SYVN1: variants seen among roughly 807,000 people sequenced by gnomAD.
SYVN1 encodes E3 ubiquitin-protein ligase synoviolin.
SYVN1 carries 17 observed loss-of-function variants against 62.6 expected under a neutral mutation model. The observed-to-expected ratio is 0.27, with a 90% CI of 0.19 to 0.41. SYVN1 has a LOEUF of 0.41. Among genes scored for constraint, SYVN1 ranks in the 10% least tolerant of loss-of-function variants. The pLI is 1.00. For missense variants in SYVN1, 634 were observed against 818.0 expected (o/e 0.78, Z 2.74); for synonymous variants, 316 against 304.0 (o/e 1.04, Z -0.41).
intron 14 of SYVN1, chr11:65,129,369 G>A (rs1449645427): frequency 9.4e-6 from 2 of 212,262 alleles, no homozygotes; most frequent in Non-Finnish European, 1.9e-5. Flanking sequence ...CCTATTATTC[G>A]CTCCCTCAGT....
rs772925262 is a variant in SYVN1, at chr11:65,131,363, C to T, written c.669G>A (p.Lys223=). 1 of 1,614,048 alleles carries T rather than the reference C, an allele frequency of 6.2e-7. No homozygotes were observed. Among genetic ancestry groups the T allele is most frequent in the Admixed American group, 1.7e-5 (1 of 60,002 alleles). The change falls in exon 8 of 16, where the codon AAG becomes AAA. Residue 223 remains lysine, a synonymous_variant. Coordinates refer to ENST00000377190, the MANE Select transcript of SYVN1 (RefSeq NM_172230.3). ...TCATGAAGGCCATGTACAGCAGAACCTTGATGAAGCCTGAGGGGAGGGGAT... is the reference window on the plus strand; with the variant it reads ...TCATGAAGGCCATGTACAGCAGAACTTTGATGAAGCCTGAGGGGAGGGGAT... ...LYTELFTGFI[K]VLLYMAFMTI...
intron 14 of SYVN1, chr11:65,128,932 G>A (rs926433413): frequency 1.7e-6 from 1 of 585,346 alleles, no homozygotes; most frequent in African/African-American, 1.9e-5. Flanking sequence ...GGTGCTTGCA[G>A]GCAGGGACTG....
chr11:65,128,631 G>C lies in SYVN1; in HGVS notation c.1679C>G (p.Pro560Arg). The C allele has an allele frequency of 6.2e-7, 1 of 1,614,146 alleles. No homozygotes were observed. The highest frequency in any genetic ancestry group is 1.1e-5 in the South Asian group (1 of 91,084). Reference protein sequence around the residue: ...VVAAASSTSIPSSEATTPTPG... With the variant: ...VVAAASSTSIRSSEATTPTPG... ...GGTTGGGGTCGTGGCCTCTGAGCTA[G>C]GGATGCTGGTGGAGGAGGCAGCAGC... Residue 560 changes from proline (P) to arginine (R), a missense_variant, in exon 15 of 16, where the codon CCT becomes CGT. Transcript: ENST00000377190.
chr11:65,133,371 C>T, intron 2 of SYVN1, 99 bp downstream of exon 2: 1 of 1,577,012 alleles, frequency 6.3e-7, no homozygotes, highest in Non-Finnish European at 8.7e-7. Context: ...CAGCTGGCGG[C>T]TACTTCCCTA....
At chr11:65,131,637 T>A (rs377447615) in intron 6 of SYVN1, 41 bp from the exon 7 acceptor site, 50 of 1,602,262 alleles carry the variant, frequency 3.1e-5, no homozygotes, top group Non-Finnish European at 3.7e-5. Context: ...AACACATAGC[T>A]CCCCCTTGCT....
Position 65,127,400 on chromosome 11 carries a change from G to A in SYVN1, c.*982C>T, listed in dbSNP as rs1948114399. On this transcript the variant is annotated 3_prime_UTR_variant, in exon 16 of 16. Transcript: ENST00000377190. ...AACAACTCTTGTAACACAAAACCAA[G>A]GGGAAAAGACAGGGGCAGGCAGGTC... is the stretch of plus-strand genomic sequence containing the variant. 4.7e-6 allele frequency: 1 copy of A among 215,010 alleles called. No homozygotes were observed. Among genetic ancestry groups the A allele is most frequent in the African/African-American group, 2.3e-5 (1 of 43,570 alleles). The allele number at this position is 215,010 out of a possible 1,614,324, so 13.3% of individuals were successfully genotyped here. A position where few individuals can be genotyped will look rare whatever the true frequency, so the allele number is the denominator to read the frequency against.
chr11:65,128,160 A>G lies in SYVN1; in HGVS notation c.*222T>C. 1 of 594,680 alleles carries G rather than the reference A, an allele frequency of 1.7e-6. No individual in the cohort carries two copies. Among genetic ancestry groups the G allele is most frequent in the Non-Finnish European group, 3.0e-6 (1 of 333,934 alleles). 36.8% of individuals were successfully genotyped at this position (594,680 alleles called of 1,614,324 possible). A position where few individuals can be genotyped will look rare whatever the true frequency, so the allele number is the denominator to read the frequency against. On this transcript the variant is annotated 3_prime_UTR_variant, in exon 16 of 16. Transcript: ENST00000377190. ...AGAACACAGGGCTGAAGAGTTGGAG[A>G]GGAAGGCTGGAACTGACCCGAGATC...
chr11:65,130,882 T>C (rs748415454), intron 10 of SYVN1, 38 bp downstream of exon 10: 5 of 1,612,422 alleles, frequency 3.1e-6, no homozygotes, highest in Non-Finnish European at 4.2e-6. Context: ...TTCTGGGGCC[T>C]GTGCCCTGCT....
intron 5 of SYVN1, 117 bp from the exon 6 acceptor site, chr11:65,132,468 T>TGG (rs1948193783): frequency 2.5e-6 from 2 of 796,378 alleles, no homozygotes; most frequent in Middle Eastern, 3.6e-4. Context: ...TCTAGTCAGG[T>TGG]GGGCACACTC....
chr11:65,131,341 T>C lies in SYVN1; in HGVS notation c.691A>G (p.Met231Val). 6.2e-7 allele frequency: 1 copy of C among 1,613,966 alleles called. No homozygotes were observed. Among genetic ancestry groups the C allele is most frequent in the Non-Finnish European group, 8.5e-7 (1 of 1,179,976 alleles). Residue 231 changes from methionine (M) to valine (V), a missense_variant, in exon 8 of 16, where the codon ATG becomes GTG. This residue lies in a region of SYVN1 where 283 missense variants were observed against 444.7 expected (regional missense o/e 0.64). Coordinates refer to ENST00000377190, the MANE Select transcript of SYVN1 (RefSeq NM_172230.3). ...GTGTGCACCTTGATCATGATGGTCA[T>C]GAAGGCCATGTACAGCAGAACCTTG... Reference protein sequence around the residue: ...FIKVLLYMAFMTIMIKVHTFP... With the variant: ...FIKVLLYMAFVTIMIKVHTFP...
At position 65,128,732 on chromosome 11, in the gene SYVN1, G is replaced by A. The variant is rs1416861806; in HGVS notation, c.1596-18C>T. 8 of 1,585,000 alleles carry A rather than the reference G, an allele frequency of 5.0e-6. No homozygotes were observed. In the East Asian group the frequency reaches 9.2e-5, roughly 18 times the overall value. The stretch of plus-strand genomic sequence containing the variant: ...GGGGGGGCCTGGGAAGAGAAGGGAC[G>A]AGAGGCGGGCCTGGCCTTGGCATCC... On this transcript the variant is annotated intron_variant, in intron 14 of 15. Transcript: ENST00000377190.
chr11:65,129,264 TATGA>T (rs1229735632), intron 14 of SYVN1: 1 of 170,158 alleles, frequency 5.9e-6, no homozygotes, highest in Non-Finnish European at 1.3e-5. Context: ...CACTTATGAA[TATGA>T]ATTAAGACCC....
At chr11:65,133,677 C>A in intron 1 of SYVN1, 59 bp from the exon 2 acceptor site, 6 of 1,353,042 alleles carry the variant, frequency 4.4e-6, no homozygotes, top group Non-Finnish European at 5.1e-6. Flanking sequence ...TAGCCCGGTG[C>A]CTGGCACAGC....
Position 65,131,285 on chromosome 11 carries a change from G to A in SYVN1, c.747C>T (p.Tyr249=). The part of the protein sequence containing the change: ...TFPLFAIRPM[Y]LAMRQFKKAV... ...AGGGCCGGGCTCACCTCATGGCCAG[G>A]TACATGGGCCGGATGGCAAAGAGTG... The change falls in exon 8 of 16, where the codon TAC becomes TAT. Residue 249 remains tyrosine (Y), a synonymous_variant. Coordinates refer to ENST00000377190, the MANE Select transcript of SYVN1 (RefSeq NM_172230.3). The A allele has an allele frequency of 1.2e-6, 2 of 1,614,158 alleles. No homozygotes were observed. Among genetic ancestry groups the A allele is most frequent in the South Asian group, 1.1e-5 (1 of 91,082 alleles).
intron 5 of SYVN1, 146 bp downstream of exon 5, chr11:65,132,586 C>A: frequency 9.5e-7 from 1 of 1,048,338 alleles, no homozygotes; most frequent in Non-Finnish European, 1.5e-6. Flanking sequence ...GTTGAGAAGC[C>A]CTAGAGTGGA....
chr11:65,133,922 A>G (rs899946207), intron 1 of SYVN1, among the ~76,000 whole-genome samples: 1 of 152,138 alleles, frequency 6.6e-6, no homozygotes, highest in Non-Finnish European at 1.5e-5. Flanking sequence ...ATGTTGGAGG[A>G]GGGGGAGCTG....
chr11:65,131,870 G>A (rs530304678), intron 6 of SYVN1, among the ~76,000 whole-genome samples: 1 of 152,140 alleles, frequency 6.6e-6, no homozygotes, highest in African/African-American at 2.4e-5. Flanking sequence ...CTCAGCATAG[G>A]GCCTGGTGTG....
At position 65,130,070 on chromosome 11, in the gene SYVN1, T is replaced by A; in HGVS notation, c.1340A>T (p.Glu447Val). ...ASGPGSGSAP[E>V]AGPAPGFPFP... The stretch of plus-strand genomic sequence containing the variant: ...GGGGAAACCAGGGGCAGGGCCAGCC[T>A]CTGGGGCAGAGCCAGAGCCTGGGCC... The change falls in exon 13 of 16, where the codon GAG becomes GTG. Residue 447 changes from glutamate to valine, a missense_variant. Around this residue, in one of 2 missense-constraint regions of SYVN1, gnomAD observed 351 missense variants for 373.3 expected, o/e 0.94. Transcript: ENST00000377190. The A allele has an allele frequency of 6.2e-7, 1 of 1,608,552 alleles. No individual in the cohort carries two copies. Among genetic ancestry groups the A allele is most frequent in the Non-Finnish European group, 8.5e-7 (1 of 1,177,126 alleles).
chr11:65,128,063 C>T lies in SYVN1; in HGVS notation c.*319G>A. On this transcript the variant is annotated 3_prime_UTR_variant, in exon 16 of 16. Transcript: ENST00000377190. ...CAAGTAGGGCTTGGAGGGGCAGCCC[C>T]TTCTCCTGGAAAGGGGTGGGGGAAG... is the stretch of plus-strand genomic sequence containing the variant. 2.0e-6 allele frequency: 1 copy of T among 489,076 alleles called. No individual in the cohort carries two copies. The highest frequency in any genetic ancestry group is 3.7e-6 in the Non-Finnish European group (1 of 271,450). 30.3% of individuals were successfully genotyped at this position (489,076 alleles called of 1,614,324 possible). A position where few individuals can be genotyped will look rare whatever the true frequency, so the allele number is the denominator to read the frequency against.
Sources: allele counts gnomAD v4.1 joint callset (sites outside exome capture counted in the v4.1 genomes callset), GRCh38; gene constraint gnomAD v4.1.1; regional missense constraint gnomAD v4.1.1; transcripts MANE v1.5; gene names NCBI Gene and HGNC (gene_info 2026-07-23, HGNC 2026-07-21).